Variants in PDGFRB observed in about 807,000 individuals in gnomAD.
PDGFRB encodes the protein platelet derived growth factor receptor beta.
PDGFRB carries 42 observed loss-of-function variants against 120.2 expected under a neutral mutation model. The ratio of observed to expected loss-of-function variants is 0.35; its 90% confidence interval spans 0.27 to 0.45. PDGFRB has a LOEUF of 0.45. Ranked by LOEUF, PDGFRB falls within the 20% of genes least tolerant of loss-of-function variation. The pLI, the probability that PDGFRB is intolerant of heterozygous loss-of-function variation, is 1.00. For missense variants in PDGFRB, 1,149 were observed against 1,476.3 expected, an observed-to-expected ratio of 0.78 and a Z score of 3.63; for synonymous variants, 586 against 606.8, an observed-to-expected ratio of 0.97 and a Z score of 0.50.
intron 1 of PDGFRB, among the ~76,000 whole-genome samples, chr5:150,142,559 G>T (rs1293081119): frequency 6.6e-6 from 1 of 150,586 alleles, no homozygotes; most frequent in Admixed American, 6.6e-5. Context: ...GACTTTGGAG[G>T]GGGGTTGGGG....
chr5:150,116,564 G>A lies in PDGFRB; in HGVS notation c.3138-618C>T, dbSNP rs1401727930. The stretch of plus-strand genomic sequence containing the variant: ...GTGGAGGTTGCAGTGAGCCGAGATC[G>A]CGCCATTGCACTCCAGCCTGGGCAA... On this transcript the variant is annotated intron_variant, in intron 22 of 22. Transcript: ENST00000261799. 3.3e-5 allele frequency among the ~76,000 whole-genome samples: 5 copies of A among 151,902 alleles called. No homozygotes were observed. The East Asian group carries it at 5.8e-4, about 18-fold the overall frequency.
intron 15 of PDGFRB, 28 bp from the exon 16 acceptor site, chr5:150,122,068 G>T (rs1267694334): frequency 6.2e-7 from 1 of 1,602,978 alleles, no homozygotes; most frequent in South Asian, 1.1e-5. Flanking sequence ...TCACAGGAGA[G>T]CCTGCAGGCT....
intron 1 of PDGFRB, among the ~76,000 whole-genome samples, chr5:150,140,458 G>A (rs1011583116): frequency 1.3e-5 from 2 of 152,224 alleles, no homozygotes; most frequent in Non-Finnish European, 2.9e-5. Flanking sequence ...TTTTGCCCAT[G>A]AAGAGAGTGC....
intron 1 of PDGFRB, chr5:150,154,035 GC>G (rs762683896): frequency 6.6e-5 from 10 of 152,192 alleles, no homozygotes; most frequent in Non-Finnish European, 1.2e-4. Context: ...GACTGCTGGG[GC>G]CTGAACAATC....
intron 1 of PDGFRB, among the ~76,000 whole-genome samples, chr5:150,140,419 G>T (rs912501965): frequency 6.6e-6 from 1 of 152,200 alleles, no homozygotes; most frequent in African/African-American, 2.4e-5. Context: ...CTAGAGCAGA[G>T]AGAGGGAGGG....
chr5:150,121,845 T>C lies in PDGFRB; in HGVS notation c.2344+35A>G. On this transcript the variant is annotated intron_variant, in intron 16 of 22. Coordinates refer to ENST00000261799, the MANE Select transcript of PDGFRB (RefSeq NM_002609.4). This position sits in a 1 kb window ranked among gnomAD's most constrained non-coding sequence, Gnocchi z 4.1. ...GGCATGTGAAGAGCATCAGCCTGTT[T>C]GGATGTGGGGTACTATGTCACTATG... 1 of 1,541,176 alleles carries C rather than the reference T, an allele frequency of 6.5e-7. No homozygotes were observed. Among genetic ancestry groups the C allele is most frequent in the African/African-American group, 1.4e-5 (1 of 73,648 alleles).
chr5:150,141,111 C>T (rs1322116272), intron 1 of PDGFRB, among the ~76,000 whole-genome samples: 6 of 152,330 alleles, frequency 3.9e-5, no homozygotes, highest in East Asian at 1.9e-4. Flanking sequence ...GAAACACATA[C>T]GTATGCAAGA....
intron 21 of PDGFRB, among the ~76,000 whole-genome samples, chr5:150,118,089 C>T (rs915251675): frequency 1.3e-5 from 2 of 152,178 alleles, no homozygotes; most frequent in African/African-American, 2.4e-5. Flanking sequence ...GCACCCAGGA[C>T]TCTAACTCTT....
At chr5:150,137,771 G>A (rs1760677899) in intron 1 of PDGFRB, among the ~76,000 whole-genome samples, 1 of 152,226 alleles carries the variant, frequency 6.6e-6, no homozygotes, top group African/African-American at 2.4e-5. Context: ...CACCCCCAGG[G>A]TGCAGATGGG....
intron 6 of PDGFRB, 64 bp downstream of exon 6, chr5:150,133,522 C>G (rs1760534551): frequency 2.2e-6 from 3 of 1,373,384 alleles, no homozygotes; most frequent in Non-Finnish European, 3.1e-6. Context: ...CTGCACCCAG[C>G]AAAGTGGGTG....
intron 1 of PDGFRB, among the ~76,000 whole-genome samples, chr5:150,153,003 T>A (rs1158023603): frequency 6.6e-6 from 1 of 152,174 alleles, no homozygotes; most frequent in Non-Finnish European, 1.5e-5. Context: ...CAATGCATAG[T>A]CATCTGATGC....
chr5:150,142,880 C>A (rs943176374), intron 1 of PDGFRB, among the ~76,000 whole-genome samples: 3 of 152,174 alleles, frequency 2.0e-5, no homozygotes, highest in Admixed American at 2.0e-4. Flanking sequence ...ATCGTTCACT[C>A]TTCTTGTGAA....
At chr5:150,134,651 G>T in intron 4 of PDGFRB, 99 bp downstream of exon 4, 2 of 1,075,730 alleles carry the variant, frequency 1.9e-6, no homozygotes, top group South Asian at 1.5e-5. Flanking sequence ...AGAATCCACT[G>T]GGAAGTGGAG....
chr5:150,143,553 G>A (rs1005876405), intron 1 of PDGFRB, among the ~76,000 whole-genome samples: 1 of 152,200 alleles, frequency 6.6e-6, no homozygotes, highest in African/African-American at 2.4e-5. Context: ...TCTGGAGCCA[G>A]GGATGAAGTC....
chr5:150,143,642 T>A (rs1304947771), intron 1 of PDGFRB, among the ~76,000 whole-genome samples: 1 of 152,044 alleles, frequency 6.6e-6, no homozygotes, highest in Non-Finnish European at 1.5e-5. Context: ...CATGTGGCTG[T>A]CCCCAAGCAG....
chr5:150,151,454 C>G (rs974081682), intron 1 of PDGFRB, among the ~76,000 whole-genome samples: 1 of 152,238 alleles, frequency 6.6e-6, no homozygotes, highest in Non-Finnish European at 1.5e-5. Flanking sequence ...CATCCAGCCT[C>G]TCATCAAGGG....
chr5:150,148,409 G>C lies in PDGFRB; in HGVS notation c.-7+6988C>G, dbSNP rs560882545. Among the ~76,000 whole-genome samples, 7 of 152,338 alleles carry C rather than the reference G, an allele frequency of 4.6e-5. No individual in the cohort carries two copies. The South Asian group carries it at 1.5e-3, about 32-fold the overall frequency. On this transcript the variant is annotated intron_variant, in intron 1 of 22. Coordinates refer to ENST00000261799, the MANE Select transcript of PDGFRB (RefSeq NM_002609.4). ...CCCTCGGCTGCCTCCTAATAACACAGGATTCACTAGGCTAGGGAACTGGCA... is the reference window on the plus strand; with the variant it reads ...CCCTCGGCTGCCTCCTAATAACACACGATTCACTAGGCTAGGGAACTGGCA...
rs373234732 is a variant in PDGFRB, at chr5:150,146,986, A to G, written c.-7+8411T>C. On this transcript the variant is annotated intron_variant, in intron 1 of 22. Transcript: ENST00000261799. Reference sequence around the variant, plus strand: ...CCAGGACTAGGGATAGAACTCCACAATTTCGCTGCAGAGGCTGAGGGTGAG... The same window carrying G: ...CCAGGACTAGGGATAGAACTCCACAGTTTCGCTGCAGAGGCTGAGGGTGAG... Among the ~76,000 whole-genome samples the G allele has an allele frequency of 2.2e-4, 34 of 152,252 alleles. 1 individual carries two copies. Among genetic ancestry groups the G allele is most frequent in the East Asian group, 1.9e-3 (10 of 5,176 alleles).
Position 150,123,037 on chromosome 5 carries a change from G to A in PDGFRB, c.2183+5C>T. 1 of 1,611,800 alleles carries A rather than the reference G, an allele frequency of 6.2e-7. No homozygotes were observed. Among genetic ancestry groups the A allele is most frequent in the East Asian group, 2.2e-5 (1 of 44,874 alleles). On this transcript the variant is annotated splice_donor_5th_base_variant and intron_variant, in intron 15 of 22. Coordinates refer to ENST00000261799, the MANE Select transcript of PDGFRB (RefSeq NM_002609.4). ...AGATTCAGTCCCTGGCCTCCCTCCT[G>A]GTACCTGGGCAGGGGGAGCCCAACG...
Sources: gnomAD v4.1 joint callset for allele counts (sites outside exome capture counted in the v4.1 genomes callset) on GRCh38, gnomAD v4.1.1 for gene constraint, Gnocchi (gnomAD v3.1) non-coding constraint, MANE v1.5 for transcripts, NCBI Gene and HGNC (gene_info 2026-07-23, HGNC 2026-07-21) for gene names.